Variants in TTC7B observed in about 807,000 individuals in gnomAD.
TTC7B encodes the protein tetratricopeptide repeat protein 7B.
Under a neutral mutation model 106.8 loss-of-function variants are expected in TTC7B, and 28 were observed. The observed-to-expected ratio is 0.26, with a 90% confidence interval of 0.19 to 0.36. TTC7B has a LOEUF of 0.36. Among genes scored for constraint, TTC7B ranks in the 10% least tolerant of loss-of-function variants. The probability of loss-of-function intolerance (pLI) is 1.00; values close to 1 mark genes in which losing one functional copy is unlikely to be tolerated. For synonymous variants in TTC7B, 405 were observed against 430.6 expected, an observed-to-expected ratio of 0.94 and a Z score of 0.74; for missense variants, 862 against 1,076.4, an observed-to-expected ratio of 0.80 and a Z score of 2.79.
chr14:90,726,698 A>T (rs899620836), intron 5 of TTC7B, among the ~76,000 whole-genome samples: 1 of 152,242 alleles, frequency 6.6e-6, no homozygotes, highest in Non-Finnish European at 1.5e-5. Flanking sequence ...TTCCAAACCC[A>T]GCACCTGAGC....
intron 15 of TTC7B, among the ~76,000 whole-genome samples, chr14:90,626,182 G>A (rs963734090): frequency 6.6e-6 from 1 of 152,184 alleles, no homozygotes; most frequent in Non-Finnish European, 1.5e-5. Context: ...ACTTCCCAGG[G>A]AAGAGTTCTC....
chr14:90,528,772 A>C lies in TTC7B; in HGVS notation c.*12596T>G, dbSNP rs986642046. On this transcript the variant is annotated 3_prime_UTR_variant, in exon 20 of 20. Coordinates refer to ENST00000328459, the MANE Select transcript of TTC7B (RefSeq NM_001010854.2). ...TGGTGTGACCCGACTGTGTTTTGTT[A>C]CCTGTTTCTGATGGTTGTTTCTGGT... 6.9e-6 allele frequency: 1 copy of C among 143,926 alleles called. No homozygotes were observed. Among genetic ancestry groups the C allele is most frequent in the African/African-American group, 2.7e-5 (1 of 37,466 alleles). 8.9% of individuals were successfully genotyped at this position (143,926 alleles called of 1,614,324 possible).
chr14:90,590,212 C>T lies in TTC7B; in HGVS notation c.2107+3274G>A, dbSNP rs567465886. ...GGGGACCTGCTGTGGGCAAGCATCC[C>T]TCATCTCCTGGGCCTGTCCCCTTAC... On this transcript the variant is annotated intron_variant, in intron 18 of 19. Transcript: ENST00000328459. 1.2e-4 allele frequency among the ~76,000 whole-genome samples: 19 copies of T among 152,304 alleles called. No individual in the cohort carries two copies. The South Asian group carries it at 3.9e-3, about 32-fold the overall frequency.
In TTC7B at chr14:90,693,064, G is replaced by T. The variant is rs1027579542; in HGVS notation, c.777+2436C>A. 2.6e-5 allele frequency among the ~76,000 whole-genome samples: 4 copies of T among 152,052 alleles called. No individual in the cohort carries two copies. In the East Asian group the frequency reaches 5.8e-4, roughly 22 times the overall value. On this transcript the variant is annotated intron_variant, in intron 6 of 19. Transcript: ENST00000328459. Reference sequence around the variant, plus strand: ...ACAATGAAGTCATTTCCTATGACATGAATCTCTTAGCCATGCCCAACTGAA... The same window carrying T: ...ACAATGAAGTCATTTCCTATGACATTAATCTCTTAGCCATGCCCAACTGAA...
chr14:90,683,163 G>T (rs1887120439), intron 7 of TTC7B, among the ~76,000 whole-genome samples: 1 of 152,136 alleles, frequency 6.6e-6, no homozygotes, highest in Non-Finnish European at 1.5e-5. Flanking sequence ...GACAAGTTGA[G>T]GTCTAAAGGT....
Position 90,774,704 on chromosome 14 carries a change from C to T in TTC7B, c.445+6034G>A, listed in dbSNP as rs569916051. Among the ~76,000 whole-genome samples, 4 of 152,314 alleles carry T rather than the reference C, an allele frequency of 2.6e-5. No homozygotes were observed. The South Asian group carries it at 6.2e-4, about 24-fold the overall frequency. ...AGCAACAACTTTCCCTTCCCTAAGC[C>T]GCACTCCAGGCCTCTGATCTTCATG... On this transcript the variant is annotated intron_variant, in intron 3 of 19. Transcript: ENST00000328459.
chr14:90,544,597 C>T (rs1468938899), intron 19 of TTC7B, among the ~76,000 whole-genome samples: 1 of 152,212 alleles, frequency 6.6e-6, no homozygotes, highest in Non-Finnish European at 1.5e-5. Flanking sequence ...GGCCACCTAC[C>T]CAGGTTGCAT....
intron 3 of TTC7B, among the ~76,000 whole-genome samples, chr14:90,761,624 C>G (rs1381046745): frequency 3.9e-5 from 6 of 152,252 alleles, no homozygotes; most frequent in Non-Finnish European, 7.3e-5. Context: ...GCCCTGGTCT[C>G]AGTGAGTTGG....
At chr14:90,550,481 C>T (rs959971892) in intron 19 of TTC7B, among the ~76,000 whole-genome samples, 2 of 152,244 alleles carry the variant, frequency 1.3e-5, no homozygotes, top group African/African-American at 4.8e-5. Context: ...CCACATAAAT[C>T]CCTGTTCCAC....
intron 12 of TTC7B, among the ~76,000 whole-genome samples, chr14:90,653,667 C>T (rs1001869899): frequency 6.6e-6 from 1 of 152,204 alleles, no homozygotes; most frequent in Non-Finnish European, 1.5e-5. Flanking sequence ...CCTAACGCCT[C>T]CAACATGGCA....
chr14:90,680,511 C>A lies in TTC7B; in HGVS notation c.975G>T (p.Thr325=). The A allele has an allele frequency of 6.2e-7, 1 of 1,613,770 alleles. No individual in the cohort carries two copies. The highest frequency in any genetic ancestry group is 8.5e-7 in the Non-Finnish European group (1 of 1,179,846). Reference sequence around the variant, plus strand: ...TCAGCAATAACAACAGGGCTTCTTCCGTATTTTCTTGAGGACAAAAAATGC... The same window carrying A: ...TCAGCAATAACAACAGGGCTTCTTCAGTATTTTCTTGAGGACAAAAAATGC... ...GENIFCPQEN[T]EEALLLLLIS... The change falls in exon 8 of 20, where the codon ACG becomes ACT. Residue 325 remains threonine, a synonymous_variant. Transcript: ENST00000328459.
intron 19 of TTC7B, among the ~76,000 whole-genome samples, chr14:90,563,802 T>A (rs2061458512): frequency 6.6e-6 from 1 of 152,146 alleles, no homozygotes; most frequent in Non-Finnish European, 1.5e-5. Flanking sequence ...TCACCAGGAG[T>A]AGATTCCATC....
chr14:90,573,558 C>T (rs1352455209), intron 19 of TTC7B, among the ~76,000 whole-genome samples: 2 of 132,586 alleles, frequency 1.5e-5, no homozygotes, highest in Admixed American at 7.3e-5. Context: ...CTCCGGCTCA[C>T]GGTCCCTCTC....
chr14:90,664,522 C>T (rs1195302017), intron 9 of TTC7B, among the ~76,000 whole-genome samples: 5 of 152,188 alleles, frequency 3.3e-5, no homozygotes, highest in African/African-American at 1.2e-4. Context: ...CCGCCCGCCT[C>T]GGCCTCCCAA....
intron 1 of TTC7B, among the ~76,000 whole-genome samples, chr14:90,811,189 G>A (rs1336218284): frequency 6.6e-6 from 1 of 152,180 alleles, no homozygotes; most frequent in Non-Finnish European, 1.5e-5. Flanking sequence ...CAGGACATAT[G>A]GTCTGCCACA....
intron 9 of TTC7B, among the ~76,000 whole-genome samples, chr14:90,669,535 C>CA (rs35000807): frequency 0.021 from 1,950 of 94,310 alleles, 15 homozygotes; most frequent in Non-Finnish European, 0.026. Flanking sequence ...CTCGTCTCTA[C>CA]AAAAAAAAAA....
At chr14:90,658,088 G>A (rs1886024398) in intron 10 of TTC7B, 1 of 563,478 alleles carries the variant, frequency 1.8e-6, no homozygotes, top group Non-Finnish European at 3.2e-6. Flanking sequence ...ACTGGAAAAA[G>A]ACAAATATTT....
chr14:90,575,480 T>C lies in TTC7B; in HGVS notation c.2310+2626A>G, dbSNP rs983809184. On this transcript the variant is annotated intron_variant, in intron 19 of 19. Transcript: ENST00000328459. The surrounding 1 kb of genome is among the most constrained non-coding windows in gnomAD (Gnocchi z 5.2). ...CAGAAACACAGCTTCCCTGTGTAGC[T>C]TGTAGGGAAGAGGACAGAGAGGGAG... Among the ~76,000 whole-genome samples, 27 of 152,168 alleles carry C rather than the reference T, an allele frequency of 1.8e-4. No homozygotes were observed. Among genetic ancestry groups the C allele is most frequent in the African/African-American group, 6.3e-4 (26 of 41,456 alleles).
At chr14:90,731,027 G>A (rs923899485) in intron 4 of TTC7B, among the ~76,000 whole-genome samples, 2 of 152,034 alleles carry the variant, frequency 1.3e-5, no homozygotes, top group Non-Finnish European at 2.9e-5. Context: ...CTCACTGCAC[G>A]CTCCGCCTCC....
Sources: gnomAD v4.1 joint callset for allele counts (sites outside exome capture counted in the v4.1 genomes callset) on GRCh38, gnomAD v4.1.1 for gene constraint, Gnocchi (gnomAD v3.1) non-coding constraint, MANE v1.5 for transcripts, NCBI Gene and HGNC (gene_info 2026-07-23, HGNC 2026-07-21) for gene names.